The following HM13 variants were observed in gnomAD, a reference collection of about 807,000 sequenced individuals.
HM13 encodes signal peptide peptidase.
In HM13, 18 loss-of-function variants were observed where a neutral mutation model predicts 50.0. The ratio of observed to expected loss-of-function variants is 0.36; its 90% CI spans 0.25 to 0.53. HM13 has a LOEUF of 0.53. Ranked by LOEUF, HM13 falls within the 20% of genes least tolerant of loss-of-function variation. The probability of loss-of-function intolerance (pLI) is 0.90; values close to 1 mark genes in which losing one functional copy is unlikely to be tolerated. For missense variants in HM13, 393 were observed against 552.4 expected (o/e 0.71, Z 2.89); for synonymous variants, 197 against 232.6 (o/e 0.85, Z 1.39).
At chr20:31,559,294 C>T (rs748981963) in intron 8 of HM13, among the ~76,000 whole-genome samples, 18 of 152,190 alleles carry the variant, frequency 1.2e-4, no homozygotes, top group Non-Finnish European at 1.8e-4. Context: ...AGCGATTTTG[C>T]CTACTCCTAC....
intron 1 of HM13, among the ~76,000 whole-genome samples, chr20:31,516,688 G>A (rs1278315592): frequency 6.6e-6 from 1 of 152,146 alleles, no homozygotes; most frequent in Non-Finnish European, 1.5e-5. Flanking sequence ...GGTGTGGCTG[G>A]AACAGAGGGT....
At chr20:31,566,393 A>G in intron 11 of HM13, 98 bp downstream of exon 11, 1 of 982,560 alleles carries the variant, frequency 1.0e-6, no homozygotes, top group South Asian at 1.4e-5. Context: ...TCTCCAGGGG[A>G]ACATTGTTCC....
intron 2 of HM13, 86 bp downstream of exon 2, chr20:31,527,668 A>G: frequency 5.4e-6 from 5 of 923,244 alleles, no homozygotes; most frequent in Non-Finnish European, 8.5e-6. Context: ...AGAACCATGC[A>G]TGTTCATTTA....
At chr20:31,564,608 A>C (rs535866637) in intron 10 of HM13, among the ~76,000 whole-genome samples, 26 of 152,110 alleles carry the variant, frequency 1.7e-4, no homozygotes, top group African/African-American at 6.3e-4. Flanking sequence ...GAATGCTGTG[A>C]GGGAAATTAG....
chr20:31,552,767 A>G (rs2122633655), intron 7 of HM13, among the ~76,000 whole-genome samples: 1 of 152,268 alleles, frequency 6.6e-6, no homozygotes, highest in African/African-American at 2.4e-5. Flanking sequence ...ATTGAGAGAG[A>G]AAATCTGTAA....
Position 31,566,312 on chromosome 20 carries a change from G to A in HM13, c.1034+17G>A, listed in dbSNP as rs578219800. The A allele has an allele frequency of 1.2e-6, 2 of 1,603,334 alleles. No individual in the cohort carries two copies. The highest frequency in any genetic ancestry group is 1.7e-5 in the Admixed American group (1 of 59,994). On this transcript the variant is annotated intron_variant, in intron 11 of 12. Transcript: ENST00000398174. ...GATGTTCAGGTAAGGCAGAGTGGGGGGCAGATGTCCTCATGGGCACCAGTG... is the reference window on the plus strand; with the variant it reads ...GATGTTCAGGTAAGGCAGAGTGGGGAGCAGATGTCCTCATGGGCACCAGTG...
At chr20:31,541,370 G>C (rs1343487678) in intron 3 of HM13, 1 of 151,820 alleles carries the variant, frequency 6.6e-6, no homozygotes, top group African/African-American at 2.4e-5. Context: ...GGTCCCAACT[G>C]CTCGGTAGGC....
In HM13 at chr20:31,555,270, C is replaced by T. The variant is rs552106326; in HGVS notation, c.808+441C>T. On this transcript the variant is annotated intron_variant, in intron 8 of 12. Transcript: ENST00000398174. ...CAGAATTGCCCTAGCCCCCTTGCTCCTCCTCCCTGTGCCAAGACATCTCCA... is the reference window on the plus strand; with the variant it reads ...CAGAATTGCCCTAGCCCCCTTGCTCTTCCTCCCTGTGCCAAGACATCTCCA... Among the ~76,000 whole-genome samples the T allele has an allele frequency of 1.7e-4, 26 of 152,356 alleles. 1 individual carries two copies. The highest frequency in any genetic ancestry group is 3.4e-3 in the Middle Eastern group (1 of 294).
chr20:31,519,867 C>T (rs1982045074), intron 1 of HM13, among the ~76,000 whole-genome samples: 1 of 126,974 alleles, frequency 7.9e-6, no homozygotes, highest in African/African-American at 3.1e-5. Flanking sequence ...TTTTTTGAGA[C>T]AGTCTCGCTC....
chr20:31,536,202 A>G (rs1983097088), intron 2 of HM13, among the ~76,000 whole-genome samples: 1 of 152,162 alleles, frequency 6.6e-6, no homozygotes, highest in Non-Finnish European at 1.5e-5. Flanking sequence ...CATCTCTACT[A>G]AAAATACAAA....
At chr20:31,518,608 T>C (rs1312635380) in intron 1 of HM13, among the ~76,000 whole-genome samples, 1 of 151,778 alleles carries the variant, frequency 6.6e-6, no homozygotes, top group Non-Finnish European at 1.5e-5. Flanking sequence ...ATCATGCCAC[T>C]GCACTCCAGC....
intron 7 of HM13, among the ~76,000 whole-genome samples, chr20:31,550,959 C>G (rs1984007426): frequency 6.6e-6 from 1 of 152,096 alleles, no homozygotes. Flanking sequence ...GCCTGGATGA[C>G]AGAATGAGGC....
intron 3 of HM13, 144 bp from the exon 4 acceptor site, chr20:31,544,803 G>A (rs1983619959): frequency 3.0e-6 from 2 of 665,006 alleles, no homozygotes; most frequent in Non-Finnish European, 5.4e-6. Context: ...GAGGGCCTCT[G>A]TTTTCACATC....
At chr20:31,535,085 CAA>C (rs977507318) in intron 2 of HM13, among the ~76,000 whole-genome samples, 7 of 123,330 alleles carry the variant, frequency 5.7e-5, no homozygotes, top group Admixed American at 8.5e-5. Context: ...GACTCCGTCT[CAA>C]AAAAAAAAAA....
chr20:31,565,669 C>G (rs758578243), intron 10 of HM13, among the ~76,000 whole-genome samples: 1 of 152,068 alleles, frequency 6.6e-6, no homozygotes, highest in African/African-American at 2.4e-5. Context: ...TTAGTATAAC[C>G]GTCCTTTTCT....
At chr20:31,535,493 A>G (rs925862149) in intron 2 of HM13, 1 of 152,242 alleles carries the variant, frequency 6.6e-6, no homozygotes, top group East Asian at 1.9e-4. Flanking sequence ...CCCAATCCAC[A>G]TGGGTCACAG....
intron 1 of HM13, among the ~76,000 whole-genome samples, chr20:31,519,141 A>G (rs1471305451): frequency 6.6e-6 from 1 of 152,096 alleles, no homozygotes; most frequent in Non-Finnish European, 1.5e-5. Flanking sequence ...TCACTCTGTC[A>G]CCCAGGCTGG....
At chr20:31,549,574 G>A (rs577302994) in intron 6 of HM13, among the ~76,000 whole-genome samples, 44 of 152,316 alleles carry the variant, frequency 2.9e-4, no homozygotes, top group Middle Eastern at 3.4e-3. Context: ...TCTCTTCCTT[G>A]CTAGCAGGGG....
chr20:31,555,513 C>T (rs1395689040), intron 8 of HM13, among the ~76,000 whole-genome samples: 2 of 152,180 alleles, frequency 1.3e-5, no homozygotes, highest in Non-Finnish European at 2.9e-5. Context: ...GCAGGAGCAG[C>T]TCAAACTACC....
Sources: allele counts gnomAD v4.1 joint callset (sites outside exome capture counted in the v4.1 genomes callset), GRCh38; gene constraint gnomAD v4.1.1; transcripts MANE v1.5; gene names NCBI Gene and HGNC (gene_info 2026-07-23, HGNC 2026-07-21).